COLGALT1: variants seen among roughly 807,000 people sequenced by gnomAD.
COLGALT1 encodes the protein collagen beta(1-O)galactosyltransferase 1, also known as procollagen galactosyltransferase 1.
Under a neutral mutation model 60.8 loss-of-function variants are expected in COLGALT1, and 43 were observed. The ratio of observed to expected loss-of-function variants is 0.71; its 90% confidence interval spans 0.55 to 0.91. The LOEUF is 0.91. Among genes scored for constraint, COLGALT1 ranks in the 40% least tolerant of loss-of-function variants. COLGALT1 has a pLI of 0.00. For synonymous variants in COLGALT1, 369 were observed against 374.2 expected (o/e 0.99, Z 0.16); for missense variants, 845 against 880.0 (o/e 0.96, Z 0.50).
At chr19:17,560,954 C>T (rs1232145574) in intron 3 of COLGALT1, among the ~76,000 whole-genome samples, 2 of 151,868 alleles carry the variant, frequency 1.3e-5, no homozygotes, top group Non-Finnish European at 2.9e-5. Flanking sequence ...CCTATAATCC[C>T]AGCACTTTAG....
chr19:17,571,843 T>A (rs1321528092), intron 5 of COLGALT1: 1 of 152,112 alleles, frequency 6.6e-6, no homozygotes, highest in Non-Finnish European at 1.5e-5. Flanking sequence ...TTTTACTGTT[T>A]TTTTTTTGGG....
intron 9 of COLGALT1, 93 bp from the exon 10 acceptor site, chr19:17,579,389 G>T: frequency 6.4e-7 from 1 of 1,553,846 alleles, no homozygotes; most frequent in Admixed American, 1.7e-5. Context: ...GCTTCTCTAC[G>T]GGTCTTTCAA....
At position 17,555,909 on chromosome 19, in the gene COLGALT1, G is replaced by A. The variant is rs1402573620; in HGVS notation, c.196G>A (p.Ala66Thr). 1 of 1,400,916 alleles carries A rather than the reference G, an allele frequency of 7.1e-7. No individual in the cohort carries two copies. The highest frequency in any genetic ancestry group is 1.5e-5 in the African/African-American group (1 of 66,736). The allele number at this position is 1,400,916 out of a possible 1,614,324, so 86.8% of individuals were successfully genotyped here. A position where few individuals can be genotyped will look rare whatever the true frequency, so the allele number is the denominator to read the frequency against. The change falls in exon 1 of 12, where the codon GCG becomes ACG. Residue 66 changes from alanine (A) to threonine (T), a missense_variant. Transcript: ENST00000252599. ...IALLARNAAH[A>T]LPTTLGALER... The stretch of plus-strand genomic sequence containing the variant: ...GCTGTTGGCGCGAAACGCGGCCCAC[G>A]CGTTGCCCACCACGCTGGGCGCACT...
At chr19:17,576,684 G>A (rs1326668053) in intron 6 of COLGALT1, among the ~76,000 whole-genome samples, 1 of 150,618 alleles carries the variant, frequency 6.6e-6, no homozygotes, top group African/African-American at 2.4e-5. Context: ...GTGGGGCTGG[G>A]GGGGTGCAGG....
chr19:17,580,313 A>C, intron 10 of COLGALT1: 5 of 300,164 alleles, frequency 1.7e-5, no homozygotes, highest in Non-Finnish European at 1.9e-5. Flanking sequence ...CCTAATCTGC[A>C]TTCTGGGAAC....
intron 1 of COLGALT1, among the ~76,000 whole-genome samples, chr19:17,558,376 G>GATCT (rs1243088745): frequency 2.7e-5 from 4 of 149,588 alleles, no homozygotes; most frequent in Non-Finnish European, 4.5e-5. Context: ...TGCCTGGCCT[G>GATCT]ATCTATACAT....
At chr19:17,556,062 C>A (rs2076209085) in intron 1 of COLGALT1, 89 bp downstream of exon 1, 7 of 1,230,900 alleles carry the variant, frequency 5.7e-6, no homozygotes, top group Non-Finnish European at 7.2e-6. Context: ...AGCCCCTGCC[C>A]GCTGTCCTCT....
chr19:17,555,830 C>T lies in COLGALT1; in HGVS notation c.117C>T (p.Pro39=), dbSNP rs760759942. The T allele has an allele frequency of 1.4e-5, 18 of 1,311,926 alleles. No homozygotes were observed. Among genetic ancestry groups the T allele is most frequent in the Middle Eastern group, 2.9e-4 (1 of 3,498 alleles). The allele number at this position is 1,311,926 out of a possible 1,614,324, so 81.3% of individuals were successfully genotyped here. A position where few individuals can be genotyped will look rare whatever the true frequency, so the allele number is the denominator to read the frequency against. The change falls in exon 1 of 12, where the codon CCC becomes CCT. Residue 39 remains proline, a synonymous_variant. Coordinates refer to ENST00000252599, the MANE Select transcript of COLGALT1 (RefSeq NM_024656.4). ...CGCCGGGCGCCGACGCCTACTTCCC[C>T]GAGGAGCGCTGGAGCCCGGAGTCGC... ...GAPPGADAYF[P]EERWSPESPL...
At chr19:17,564,800 T>C (rs748134280) in intron 3 of COLGALT1, among the ~76,000 whole-genome samples, 1 of 152,148 alleles carries the variant, frequency 6.6e-6, no homozygotes, top group Non-Finnish European at 1.5e-5. Context: ...AGTTCACATA[T>C]ATATTTATTT....
At chr19:17,568,443 A>G (rs1166082748) in intron 4 of COLGALT1, 66 bp from the exon 5 acceptor site, 5 of 1,378,678 alleles carry the variant, frequency 3.6e-6, no homozygotes, top group Non-Finnish European at 5.2e-6. Context: ...CATGCCGCCC[A>G]CTATCACGGG....
chr19:17,577,466 A>C lies in COLGALT1; in HGVS notation c.1132A>C (p.Lys378Gln). Residue 378 changes from lysine to glutamine, a missense_variant and splice_region_variant, in exon 8 of 12, where the codon AAA (lysine) becomes CAA (glutamine). Coordinates refer to ENST00000252599, the MANE Select transcript of COLGALT1 (RefSeq NM_024656.4). ...CCGGCTGGTGGAGGCCGTGGACGGC[A>C]AGTGAGTCCGAGGCCTGGGGGTGGG... Reference protein sequence around the residue: ...ECRLVEAVDGKAMNTSQVEAL... With the variant: ...ECRLVEAVDGQAMNTSQVEAL... The C allele has an allele frequency of 3.2e-6, 1 of 314,126 alleles. No individual in the cohort carries two copies. The highest frequency in any genetic ancestry group is 3.9e-6 in the Non-Finnish European group (1 of 254,916). 19.5% of individuals were successfully genotyped at this position (314,126 alleles called of 1,614,324 possible).
rs778226768 is a variant in COLGALT1, at chr19:17,581,201, C to T, written c.1626C>T (p.Ser542=). The part of the protein sequence containing the change: ...HPVSEYKAHF[S]LRNLHAFSVE... ...GGTCCGAGTACAAGGCCCACTTCTC[C>T]CTCCGCAACCTGCATGCCTTCTCTG... The change falls in exon 12 of 12, where the codon TCC becomes TCT. Residue 542 remains serine (S), a synonymous_variant. Coordinates refer to ENST00000252599, the MANE Select transcript of COLGALT1 (RefSeq NM_024656.4). 12 of 1,607,870 alleles carry T rather than the reference C, an allele frequency of 7.5e-6. No individual in the cohort carries two copies. The Admixed American group carries it at 1.5e-4, about 21-fold the overall frequency.
chr19:17,579,980 T>A, intron 10 of COLGALT1: 1 of 226,686 alleles, frequency 4.4e-6, no homozygotes, highest in East Asian at 9.0e-5. Flanking sequence ...GTTGGAAGGA[T>A]CACCCAGAAC....
intron 3 of COLGALT1, among the ~76,000 whole-genome samples, chr19:17,567,031 C>T (rs2076283198): frequency 6.6e-6 from 1 of 152,084 alleles, no homozygotes; most frequent in Non-Finnish European, 1.5e-5. Context: ...AGGAGAATCG[C>T]TTGAACCCAG....
intron 1 of COLGALT1, 83 bp from the exon 2 acceptor site, chr19:17,559,228 G>A: frequency 1.1e-6 from 1 of 918,156 alleles, no homozygotes; most frequent in Non-Finnish European, 1.8e-6. Flanking sequence ...GCCAGTTGGG[G>A]ATGGTGGTCC....
At chr19:17,573,876 G>A (rs1254517184) in intron 6 of COLGALT1, among the ~76,000 whole-genome samples, 1 of 151,898 alleles carries the variant, frequency 6.6e-6, no homozygotes, top group East Asian at 1.9e-4. Context: ...CAGCTACTCG[G>A]GAGGCTGAGG....
At chr19:17,577,547 T>G in intron 8 of COLGALT1, 80 bp downstream of exon 8, 7 of 1,253,828 alleles carry the variant, frequency 5.6e-6, no homozygotes, top group Non-Finnish European at 7.4e-6. Context: ...CGGCAAGTGA[T>G]TCAGATGGGG....
At chr19:17,564,358 C>CGT (rs1005352549) in intron 3 of COLGALT1, among the ~76,000 whole-genome samples, 10 of 147,362 alleles carry the variant, frequency 6.8e-5, no homozygotes, top group South Asian at 4.3e-4. Flanking sequence ...AACATATATA[C>CGT]GTGTGTGTGT....
chr19:17,556,053 G>T lies in COLGALT1; in HGVS notation c.260+80G>T, dbSNP rs2076208989. 4 of 1,247,126 alleles carry T rather than the reference G, an allele frequency of 3.2e-6. No homozygotes were observed. The African/African-American group carries it at 6.3e-5, about 20-fold the overall frequency. The allele number at this position is 1,247,126 out of a possible 1,614,324, so 77.3% of individuals were successfully genotyped here. ...TCCCCATAGGGGTGGGTCCACGCGA[G>T]CCCCTGCCCGCTGTCCTCTTCTGGG... On this transcript the variant is annotated intron_variant, in intron 1 of 11. Coordinates refer to ENST00000252599, the MANE Select transcript of COLGALT1 (RefSeq NM_024656.4).
Sources: allele counts gnomAD v4.1 joint callset (sites outside exome capture counted in the v4.1 genomes callset), GRCh38; gene constraint gnomAD v4.1.1; transcripts MANE v1.5; gene names NCBI Gene and HGNC (gene_info 2026-07-23, HGNC 2026-07-21).